Variants in AEBP2 observed in about 807,000 individuals in gnomAD.
The protein encoded by AEBP2 is zinc finger protein AEBP2.
AEBP2 carries 10 observed loss-of-function variants against 50.8 expected under a neutral mutation model. The observed-to-expected ratio is 0.20, with a 90% CI of 0.12 to 0.33. The LOEUF is 0.33. Ranked by LOEUF, AEBP2 falls within the 10% of genes least tolerant of loss-of-function variation. The pLI, the probability that AEBP2 is intolerant of heterozygous loss-of-function variation, is 1.00. For missense variants in AEBP2, 570 were observed against 688.0 expected, an observed-to-expected ratio of 0.83 and a Z score of 1.92; for synonymous variants, 296 against 261.3, an observed-to-expected ratio of 1.13 and a Z score of -1.28.
intron 5 of AEBP2, among the ~76,000 whole-genome samples, chr12:19,500,985 A>G (rs181178448): frequency 2.6e-5 from 4 of 152,294 alleles, no homozygotes; most frequent in African/African-American, 7.2e-5. Flanking sequence ...TACATTGTAG[A>G]TCATACTTTT....
At chr12:19,463,667 AT>A (rs34007914) in intron 2 of AEBP2, among the ~76,000 whole-genome samples, 10,138 of 83,956 alleles carry the variant, frequency 0.12, 143 homozygotes, top group East Asian at 0.17. Flanking sequence ...TCATACTTGA[AT>A]TTTTTTTTTT....
rs199762394 is a variant in AEBP2 at position 19,471,032 on chromosome 12, A to T, written c.880-2216A>T. Among the ~76,000 whole-genome samples, 7 of 147,608 alleles carry T rather than the reference A, an allele frequency of 4.7e-5. No homozygotes were observed. In the East Asian group the frequency reaches 9.6e-4, roughly 20 times the overall value. On this transcript the variant is annotated intron_variant, in intron 2 of 7. Transcript: ENST00000266508. ...ACTTGTGCACCAAACTAATAATATGATTTCTGAGAGAATTTTAAACCAACC... is the reference window on the plus strand; with the variant it reads ...ACTTGTGCACCAAACTAATAATATGTTTTCTGAGAGAATTTTAAACCAACC...
intron 5 of AEBP2, among the ~76,000 whole-genome samples, chr12:19,500,895 C>G (rs1423875348): frequency 6.6e-6 from 1 of 152,112 alleles, no homozygotes; most frequent in Admixed American, 6.5e-5. Flanking sequence ...GAGAGTTATT[C>G]TTTCTTCCAT....
intron 1 of AEBP2, among the ~76,000 whole-genome samples, chr12:19,450,879 T>C (rs2153367979): frequency 6.6e-6 from 1 of 151,410 alleles, no homozygotes; most frequent in East Asian, 2.0e-4. Context: ...TTAGTTGCAC[T>C]AAAGGAGTAT....
chr12:19,516,743 T>A (rs953816691), intron 7 of AEBP2, among the ~76,000 whole-genome samples: 5 of 152,154 alleles, frequency 3.3e-5, no homozygotes, highest in Non-Finnish European at 7.4e-5. Context: ...AAAAGCCGTC[T>A]TGGCCCGGTG....
rs138597052 is a variant in AEBP2 at position 19,425,949 on chromosome 12, C to G, written c.-17+21733C>G. Among the ~76,000 whole-genome samples, 72 of 151,884 alleles carry G rather than the reference C, an allele frequency of 4.7e-4. No homozygotes were observed. The East Asian group carries it at 0.012, about 26-fold the overall frequency. On this transcript the variant is annotated intron_variant, in intron 1 of 3. Coordinates refer to the AEBP2 transcript ENST00000538425. ...GTCCTATGGTGGGATTTCTGTTTTT[C>G]TTTTTGAGACAGGGTCTTGCTCTGT...
At chr12:19,504,470 G>A (rs1288385022) in intron 5 of AEBP2, among the ~76,000 whole-genome samples, 2 of 151,822 alleles carry the variant, frequency 1.3e-5, no homozygotes, top group African/African-American at 4.8e-5. Context: ...TCGATCTCCT[G>A]ACCTTGTGAT....
Position 19,413,117 on chromosome 12 carries a change from G to A in AEBP2, c.-17+8901G>A, listed in dbSNP as rs535388618. ...CAGCCGGGCCGAATTCAGTTTTTCC[G>A]GAATTCATTTGTTCTGACCCAAGTT... is the stretch of plus-strand genomic sequence containing the variant. On this transcript the variant is annotated intron_variant, in intron 1 of 3. Transcript: ENST00000538425. 7.4e-6 allele frequency: 5 copies of A among 678,220 alleles called. No homozygotes were observed. The East Asian group carries it at 1.3e-4, about 18-fold the overall frequency. 42.0% of individuals were successfully genotyped at this position (678,220 alleles called of 1,614,324 possible).
chr12:19,453,005 G>A (rs903252048), intron 1 of AEBP2, among the ~76,000 whole-genome samples: 20 of 114,454 alleles, frequency 1.7e-4, no homozygotes, highest in Non-Finnish European at 5.2e-5. Context: ...TCGCTTTGTC[G>A]CCCAAGCTGG....
chr12:19,440,047 T>C lies in AEBP2; in HGVS notation c.348T>C (p.Gly116=). ...ATGAGAGCAGCAGCAGCGGCGGGGGTGAGGAGGAGAGTAGCGCCGAGAGCC... is the reference window on the plus strand; with the variant it reads ...ATGAGAGCAGCAGCAGCGGCGGGGGCGAGGAGGAGAGTAGCGCCGAGAGCC... ...EEDESSSSGG[G]EEESSAESLV... Residue 116 remains glycine, a synonymous_variant, in exon 1 of 8, where the codon GGT becomes GGC. Coordinates refer to ENST00000266508, the MANE Select transcript of AEBP2 (RefSeq NM_153207.5). The C allele has an allele frequency of 6.7e-7, 1 of 1,495,500 alleles. No homozygotes were observed. 92.6% of individuals were successfully genotyped at this position (1,495,500 alleles called of 1,614,324 possible). A position where few individuals can be genotyped will look rare whatever the true frequency, so the allele number is the denominator to read the frequency against.
At chr12:19,437,127 G>A (rs61914967), upstream of AEBP2, among the ~76,000 whole-genome samples, 25 of 152,220 alleles carry the variant, frequency 1.6e-4, no homozygotes, top group East Asian at 1.7e-3. Context: ...CCTGGGTGTG[G>A]AAGGAATGCT....
chr12:19,473,181 G>A lies in AEBP2; in HGVS notation c.880-67G>A. 4 of 634,366 alleles carry A rather than the reference G, an allele frequency of 6.3e-6. No homozygotes were observed. The South Asian group carries it at 1.3e-4, about 21-fold the overall frequency. The allele number at this position is 634,366 out of a possible 1,614,324, so 39.3% of individuals were successfully genotyped here. On this transcript the variant is annotated intron_variant, in intron 2 of 7. Coordinates refer to ENST00000266508, the MANE Select transcript of AEBP2 (RefSeq NM_153207.5). ...AGAGTTGTAACATGTTAATTTGAATGTATGAGGAATCAAACTCTTCTTGAG... is the reference window on the plus strand; with the variant it reads ...AGAGTTGTAACATGTTAATTTGAATATATGAGGAATCAAACTCTTCTTGAG...
At chr12:19,468,581 T>C (rs1948522525) in intron 2 of AEBP2, among the ~76,000 whole-genome samples, 1 of 152,246 alleles carries the variant, frequency 6.6e-6, no homozygotes, top group Non-Finnish European at 1.5e-5. Context: ...GGTGCATAGA[T>C]GTTTGTGCAT....
intron 2 of AEBP2, among the ~76,000 whole-genome samples, chr12:19,470,053 C>T (rs537813576): frequency 1.3e-5 from 2 of 152,088 alleles, no homozygotes; most frequent in Admixed American, 1.3e-4. Flanking sequence ...TTGAAGAAGA[C>T]CCTTTTGTCA....
intron 2 of AEBP2, among the ~76,000 whole-genome samples, chr12:19,469,107 G>A (rs1948532896): frequency 1.3e-5 from 2 of 152,048 alleles, no homozygotes; most frequent in Admixed American, 1.3e-4. Flanking sequence ...TGTATTTTTA[G>A]TAGAGGTGGG....
At chr12:19,504,140 C>T (rs1814108688) in intron 5 of AEBP2, among the ~76,000 whole-genome samples, 1 of 151,802 alleles carries the variant, frequency 6.6e-6, no homozygotes, top group Non-Finnish European at 1.5e-5. Flanking sequence ...TTTTTAGTTA[C>T]TGCATAACCA....
intron 1 of AEBP2, among the ~76,000 whole-genome samples, chr12:19,410,667 C>T (rs2095738786): frequency 6.6e-6 from 1 of 152,130 alleles, no homozygotes; most frequent in Admixed American, 6.6e-5. Flanking sequence ...AATCCTGGTA[C>T]ATAGTAGGTG....
At chr12:19,477,079 A>G (rs1948658817) in intron 3 of AEBP2, among the ~76,000 whole-genome samples, 1 of 152,122 alleles carries the variant, frequency 6.6e-6, no homozygotes, top group Middle Eastern at 3.4e-3. Flanking sequence ...TAGCTTTTGT[A>G]ATAGGGGTTA....
intron 5 of AEBP2, 93 bp from the exon 6 acceptor site, chr12:19,512,305 C>A: frequency 1.3e-6 from 1 of 780,492 alleles, no homozygotes; most frequent in Non-Finnish European, 2.0e-6. Context: ...CAGGCATGAG[C>A]CATCGCGCCC....
Sources: gnomAD v4.1 joint callset for allele counts (sites outside exome capture counted in the v4.1 genomes callset) on GRCh38, gnomAD v4.1.1 for gene constraint, MANE v1.5 for transcripts, NCBI Gene and HGNC (gene_info 2026-07-23, HGNC 2026-07-21) for gene names.